The following OPCML variants were observed in gnomAD, a reference collection of about 807,000 sequenced individuals.
The protein encoded by OPCML is opioid binding protein/cell adhesion molecule like, also known as opioid-binding protein/cell adhesion molecule.
OPCML carries 13 observed loss-of-function variants against 37.8 expected under a neutral mutation model. The ratio of observed to expected loss-of-function variants is 0.34; its 90% CI spans 0.22 to 0.55. The LOEUF (loss-of-function observed/expected upper bound fraction) is 0.55. Ranked by LOEUF, OPCML falls within the 20% of genes least tolerant of loss-of-function variation. The pLI, the probability that OPCML is intolerant of heterozygous loss-of-function variation, is 0.91. For synonymous variants in OPCML, 176 were observed against 168.8 expected (o/e 1.04, Z -0.33); for missense variants, 341 against 435.6 (o/e 0.78, Z 1.93).
chr11:132,478,720 TC>T (rs1360529110), intron 4 of OPCML, among the ~76,000 whole-genome samples: 2 of 152,208 alleles, frequency 1.3e-5, no homozygotes, highest in Non-Finnish European at 2.9e-5. Flanking sequence ...CTAGTAAAGT[TC>T]TTAAGTTTGT....
At chr11:133,332,650 G>T (rs921988846) in intron 1 of OPCML, among the ~76,000 whole-genome samples, 2 of 152,006 alleles carry the variant, frequency 1.3e-5, no homozygotes, top group East Asian at 3.9e-4. Context: ...TTTTTAACAT[G>T]AAGTTAAAAA....
chr11:132,652,345 G>A (rs1158935813), intron 3 of OPCML, among the ~76,000 whole-genome samples: 1 of 110,588 alleles, frequency 9.0e-6, no homozygotes, highest in Non-Finnish European at 1.7e-5. Flanking sequence ...AAGGAAGAAT[G>A]ACAAACACAC....
chr11:132,683,243 T>A (rs2135860019), intron 2 of OPCML, among the ~76,000 whole-genome samples: 1 of 152,170 alleles, frequency 6.6e-6, no homozygotes, highest in East Asian at 1.9e-4. Context: ...TACATAAAAA[T>A]TAAAAAATTA....
chr11:133,120,696 T>C (rs1347941456), intron 1 of OPCML, among the ~76,000 whole-genome samples: 3 of 152,190 alleles, frequency 2.0e-5, no homozygotes, highest in Non-Finnish European at 4.4e-5. Flanking sequence ...TGAAATCAGT[T>C]TGGAGGGGTT....
intron 2 of OPCML, among the ~76,000 whole-genome samples, chr11:132,837,158 T>C (rs1941055775): frequency 6.6e-6 from 1 of 151,778 alleles, no homozygotes; most frequent in Non-Finnish European, 1.5e-5. Context: ...CTACTAAAAA[T>C]ACAAAATTAG....
chr11:133,196,817 T>C (rs7124533), intron 1 of OPCML, among the ~76,000 whole-genome samples: 20,895 of 152,158 alleles, frequency 0.14, 1,645 homozygotes, highest in Middle Eastern at 0.19. Flanking sequence ...GCCTCTGAAA[T>C]ACTAAAGAGC....
intron 1 of OPCML, chr11:133,118,448 G>A (rs1949370229): frequency 1.0e-6 from 1 of 982,718 alleles, no homozygotes; most frequent in Admixed American, 6.2e-5. Flanking sequence ...TGATTAAAGT[G>A]GACTGAAAAC....
At chr11:132,976,392 G>T (rs897430668) in intron 1 of OPCML, among the ~76,000 whole-genome samples, 5 of 152,026 alleles carry the variant, frequency 3.3e-5, no homozygotes, top group African/African-American at 1.2e-4. Flanking sequence ...ATTTGTTTTC[G>T]CATCAGAAAG....
intron 3 of OPCML, among the ~76,000 whole-genome samples, chr11:132,652,786 G>A (rs917125198): frequency 3.3e-5 from 5 of 152,098 alleles, no homozygotes; most frequent in African/African-American, 7.2e-5. Flanking sequence ...TGTCCTCTCC[G>A]AGTCATCTGG....
intron 3 of OPCML, among the ~76,000 whole-genome samples, chr11:132,557,649 T>C (rs1310458670): frequency 1.3e-5 from 2 of 152,232 alleles, no homozygotes; most frequent in Non-Finnish European, 2.9e-5. Context: ...ACTCATTAAA[T>C]TGTGTCTTTA....
At chr11:132,726,447 C>A (rs1944888061) in intron 2 of OPCML, among the ~76,000 whole-genome samples, 2 of 152,094 alleles carry the variant, frequency 1.3e-5, no homozygotes, top group African/African-American at 4.8e-5. Flanking sequence ...CTGGGTCCCT[C>A]CCACAACACA....
chr11:133,272,947 T>C (rs975332873), intron 1 of OPCML, among the ~76,000 whole-genome samples: 2 of 152,110 alleles, frequency 1.3e-5, no homozygotes, highest in African/African-American at 4.8e-5. Context: ...TTCTTTTAAA[T>C]CAAAATTTCT....
intron 1 of OPCML, among the ~76,000 whole-genome samples, chr11:133,016,238 A>C (rs1022497226): frequency 1.6e-4 from 25 of 152,184 alleles, no homozygotes; most frequent in African/African-American, 6.0e-4. Flanking sequence ...CACGAGGTTG[A>C]AGTCAAGGGG....
chr11:133,203,488 C>G (rs1488254971), intron 1 of OPCML, among the ~76,000 whole-genome samples: 1 of 152,162 alleles, frequency 6.6e-6, no homozygotes, highest in African/African-American at 2.4e-5. Context: ...AGGTGGAAGT[C>G]AGTGTTCGCC....
chr11:132,770,078 A>T (rs1297192005), intron 2 of OPCML, among the ~76,000 whole-genome samples: 5 of 152,014 alleles, frequency 3.3e-5, no homozygotes, highest in Non-Finnish European at 7.4e-5. Flanking sequence ...TCATATAGGG[A>T]GGTATTATTA....
intron 4 of OPCML, among the ~76,000 whole-genome samples, chr11:132,459,529 A>G (rs2096093774): frequency 6.7e-6 from 1 of 148,714 alleles, no homozygotes. Flanking sequence ...ATATATACAC[A>G]CATATACATA....
At chr11:133,193,869 A>T (rs909125409) in intron 1 of OPCML, among the ~76,000 whole-genome samples, 9 of 152,220 alleles carry the variant, frequency 5.9e-5, no homozygotes, top group African/African-American at 2.2e-4. Flanking sequence ...AAGAATTACA[A>T]TAATAACAGC....
intron 1 of OPCML, among the ~76,000 whole-genome samples, chr11:132,945,928 G>A (rs1216589831): frequency 2.0e-5 from 3 of 152,066 alleles, no homozygotes; most frequent in East Asian, 1.9e-4. Context: ...GACTACAGGC[G>A]CCCACCACCA....
chr11:133,449,085 T>A (rs1347122112), intron 1 of OPCML, among the ~76,000 whole-genome samples: 1 of 152,204 alleles, frequency 6.6e-6, no homozygotes, highest in Admixed American at 6.5e-5. Context: ...TCATGATTAT[T>A]TTGGTTTCCT....
Sources: allele counts gnomAD v4.1 joint callset (sites outside exome capture counted in the v4.1 genomes callset), GRCh38; gene constraint gnomAD v4.1.1; transcripts MANE v1.5; gene names NCBI Gene and HGNC (gene_info 2026-07-23, HGNC 2026-07-21).